SCAP: variants seen among roughly 807,000 people sequenced by gnomAD.
SCAP encodes the protein SREBF chaperone, also known as sterol regulatory element-binding protein cleavage-activating protein.
Under a neutral mutation model 123.6 loss-of-function variants are expected in SCAP, and 65 were observed. The observed-to-expected ratio is 0.53, with a 90% CI of 0.43 to 0.65. The LOEUF (loss-of-function observed/expected upper bound fraction) is 0.65, where lower values mean the gene tolerates loss of function less well. Ranked by LOEUF, SCAP falls within the 30% of genes least tolerant of loss-of-function variation. SCAP has a pLI of 0.00. For synonymous variants in SCAP, 740 were observed against 726.3 expected, an observed-to-expected ratio of 1.02 and a Z score of -0.30; for missense variants, 1,398 against 1,712.5, an observed-to-expected ratio of 0.82 and a Z score of 3.24.
chr3:47,452,723 C>T (rs912361156), intron 1 of SCAP, among the ~76,000 whole-genome samples: 9 of 152,162 alleles, frequency 5.9e-5, no homozygotes, highest in African/African-American at 2.2e-4. Context: ...CACTGCCCTA[C>T]CAAACCTGGA....
At position 47,440,517 on chromosome 3, in the gene SCAP, A is replaced by C. The variant is rs556502508; in HGVS notation, c.122+2355T>G. Among the ~76,000 whole-genome samples, 159 of 152,260 alleles carry C rather than the reference A, an allele frequency of 1.0e-3. 1 individual carries two copies. Among genetic ancestry groups the C allele is most frequent in the African/African-American group, 3.5e-3 (145 of 41,552 alleles). The stretch of plus-strand genomic sequence containing the variant: ...AGAAAAAAACAAAATTAAAAAAAAA[A>C]CTTTAAGATCACATGACAAAGATAC... On this transcript the variant is annotated intron_variant, in intron 2 of 22. Coordinates refer to ENST00000265565, the MANE Select transcript of SCAP (RefSeq NM_012235.4).
chr3:47,415,058 C>T (rs1194185149), intron 19 of SCAP, 40 bp downstream of exon 19: 7 of 1,580,696 alleles, frequency 4.4e-6, no homozygotes, highest in Non-Finnish European at 6.0e-6. Context: ...CCTGCCCGTC[C>T]CACCAAGTGT....
chr3:47,443,130 T>C, intron 1 of SCAP, 39 bp from the exon 2 acceptor site: 3 of 1,466,148 alleles, frequency 2.0e-6, no homozygotes, highest in East Asian at 4.9e-5. Context: ...CAAAGAGTAC[T>C]TGGCTCTGCA....
intron 8 of SCAP, 187 bp downstream of exon 8, chr3:47,425,298 A>G: frequency 1.5e-6 from 1 of 658,842 alleles, no homozygotes; most frequent in Non-Finnish European, 2.5e-6. Flanking sequence ...GATATGCTAT[A>G]TACAAACACA....
rs1705853607 is a variant in SCAP at position 47,420,665 on chromosome 3, T to C, written c.1452A>G (p.Thr484=). ...ACGGCTGCAACGTGATGGTGTGGGG[T>C]GTGGACGGCCTCACAGCCAGCTGCC... ...YERQLAVRPS[T]PHTITLQPSS... The change falls in exon 12 of 23, where the codon ACA becomes ACG. Residue 484 remains threonine, a synonymous_variant. Coordinates refer to ENST00000265565, the MANE Select transcript of SCAP (RefSeq NM_012235.4). This position sits in a 1 kb window ranked among gnomAD's most constrained non-coding sequence, Gnocchi z 5.0. The C allele has an allele frequency of 1.2e-6, 2 of 1,611,602 alleles. No individual in the cohort carries two copies. The highest frequency in any genetic ancestry group is 1.1e-5 in the South Asian group (1 of 90,990).
At chr3:47,447,994 C>T (rs1224396639) in intron 1 of SCAP, among the ~76,000 whole-genome samples, 1 of 94,882 alleles carries the variant, frequency 1.1e-5, no homozygotes, top group Non-Finnish European at 1.8e-5. Context: ...AAGAGGGAGA[C>T]TCCGTCTCAA....
intron 2 of SCAP, among the ~76,000 whole-genome samples, chr3:47,442,186 C>T (rs550196329): frequency 6.6e-6 from 1 of 152,306 alleles, no homozygotes; most frequent in African/African-American, 2.4e-5. Context: ...ATAAGATGGG[C>T]TCTTTTCACA....
Position 47,418,389 on chromosome 3 carries a change from A to T in SCAP, c.2263T>A (p.Cys755Ser). ...GGTGGCGCATAGCCGTAGTCGTCGCAGGGCAGCTCCCCGCGCCTCCGCCGC... is the reference window on the plus strand; with the variant it reads ...GGTGGCGCATAGCCGTAGTCGTCGCTGGGCAGCTCCCCGCGCCTCCGCCGC... ...PGRRRRGELP[C>S]DDYGYAPPET... is the part of the protein sequence containing the mutation. The change falls in exon 15 of 23, where the codon TGC becomes AGC. Residue 755 changes from cysteine to serine, a missense_variant. Around this residue, in one of 7 missense-constraint regions of SCAP, gnomAD observed 828 missense variants for 882.5 expected, o/e 0.94. Transcript: ENST00000265565. The T allele has an allele frequency of 6.3e-7, 1 of 1,575,544 alleles. No homozygotes were observed. The highest frequency in any genetic ancestry group is 8.6e-7 in the Non-Finnish European group (1 of 1,164,162).
rs565067857 is a variant in SCAP, at chr3:47,414,448, T to G, written c.3388-62A>C. On this transcript the variant is annotated intron_variant, in intron 21 of 22. Coordinates refer to ENST00000265565, the MANE Select transcript of SCAP (RefSeq NM_012235.4). ...TGTAATACCTCTGTCAACAGTGGTG[T>G]CCCTGTGCCCCAGTGGGTGGGGCCC... 311 of 1,602,172 alleles carry G rather than the reference T, an allele frequency of 1.9e-4. No individual in the cohort carries two copies. In the African/African-American group the frequency reaches 3.8e-3, roughly 20 times the overall value.
intron 1 of SCAP, among the ~76,000 whole-genome samples, chr3:47,460,323 T>G (rs1707583900): frequency 6.6e-6 from 1 of 152,212 alleles, no homozygotes; most frequent in Non-Finnish European, 1.5e-5. Flanking sequence ...GTATTAATTT[T>G]GGGAACTGAT....
chr3:47,431,693 C>T (rs548573757), intron 3 of SCAP, among the ~76,000 whole-genome samples: 2 of 152,270 alleles, frequency 1.3e-5, no homozygotes, highest in South Asian at 2.1e-4. Context: ...AAATGTCCTC[C>T]TCCTCCTCAC....
chr3:47,425,655 C>T lies in SCAP; in HGVS notation c.911-44G>A, dbSNP rs753132633. The stretch of plus-strand genomic sequence containing the variant: ...GTATCAGGGCGGCCCCTCCCCCAGC[C>T]CCCGGCCCACTGGGGCTCCCGGGAG... On this transcript the variant is annotated intron_variant, in intron 7 of 22. Coordinates refer to ENST00000265565, the MANE Select transcript of SCAP (RefSeq NM_012235.4). The T allele has an allele frequency of 4.4e-6, 7 of 1,604,534 alleles. No homozygotes were observed. The South Asian group carries it at 5.5e-5, about 13-fold the overall frequency.
intron 1 of SCAP, among the ~76,000 whole-genome samples, chr3:47,468,039 G>T (rs1559572338): frequency 6.6e-6 from 1 of 152,104 alleles, no homozygotes; most frequent in African/African-American, 2.4e-5. Context: ...TACCTATAAA[G>T]GACATGAACT....
In SCAP at chr3:47,422,501, T is replaced by A; in HGVS notation, c.1186A>T (p.Met396Leu). ...AGGATGATGCCCAGCTCCGTGGCCA[T>A]GTTCTTCATGATGGACCAGCTCTCG... is the stretch of plus-strand genomic sequence containing the variant. The part of the protein sequence containing the change: ...SSESWSIMKN[M>L]ATELGIILIG... The change falls in exon 10 of 23, where the codon ATG (methionine) becomes TTG (leucine). Residue 396 changes from methionine to leucine, a missense_variant. By Grantham distance (15) the Met-to-Leu change is conservative. Coordinates refer to ENST00000265565, the MANE Select transcript of SCAP (RefSeq NM_012235.4). The A allele has an allele frequency of 3.1e-6, 5 of 1,613,734 alleles. No homozygotes were observed. The highest frequency in any genetic ancestry group is 3.4e-6 in the Non-Finnish European group (4 of 1,179,802).
intron 19 of SCAP, 42 bp from the exon 20 acceptor site, chr3:47,415,035 T>C (rs1332039960): frequency 6.3e-7 from 1 of 1,579,674 alleles, no homozygotes; most frequent in Non-Finnish European, 8.6e-7. Flanking sequence ...GAGAAAGCAA[T>C]GGGTAGACGG....
intron 1 of SCAP, among the ~76,000 whole-genome samples, chr3:47,467,011 TG>T (rs1241248950): frequency 1.3e-5 from 2 of 151,814 alleles, no homozygotes; most frequent in African/African-American, 4.8e-5. Context: ...GAGGACTGCT[TG>T]AGTCCAGGAA....
chr3:47,450,019 A>C lies in SCAP; in HGVS notation c.-98-6928T>G, dbSNP rs1005556831. Reference sequence around the variant, plus strand: ...AGAAACTTTTTTTTCTTTTTTTGAGATGGAGTCTTGCTCTGTCACCCAGGC... The same window carrying C: ...AGAAACTTTTTTTTCTTTTTTTGAGCTGGAGTCTTGCTCTGTCACCCAGGC... On this transcript the variant is annotated intron_variant, in intron 1 of 22. Transcript: ENST00000265565. 7.2e-5 allele frequency among the ~76,000 whole-genome samples: 9 copies of C among 124,258 alleles called. 3 individuals carry two copies. In the Admixed American group the frequency reaches 8.0e-4, roughly 11 times the overall value. The allele number at this position is 124,258 out of a possible 152,430, so 81.5% of individuals were successfully genotyped here.
intron 2 of SCAP, among the ~76,000 whole-genome samples, chr3:47,438,583 G>A (rs1387050103): frequency 6.6e-6 from 1 of 152,186 alleles, no homozygotes; most frequent in Admixed American, 6.5e-5. Flanking sequence ...GGAGGCCGAG[G>A]TGGGTGGGTC....
chr3:47,437,912 C>CTTAG (rs1706648306), intron 2 of SCAP, among the ~76,000 whole-genome samples: 2 of 152,104 alleles, frequency 1.3e-5, no homozygotes, highest in African/African-American at 4.8e-5. Flanking sequence ...GCACATTGAG[C>CTTAG]TTAGTAGATG....
Sources: allele counts gnomAD v4.1 joint callset (sites outside exome capture counted in the v4.1 genomes callset), GRCh38; gene constraint gnomAD v4.1.1; regional missense constraint gnomAD v4.1.1; non-coding constraint Gnocchi (gnomAD v3.1); transcripts MANE v1.5; gene names NCBI Gene and HGNC (gene_info 2026-07-23, HGNC 2026-07-21).